TENM2: variants seen among roughly 807,000 people sequenced by gnomAD.
The protein encoded by TENM2 is teneurin-2.
In TENM2, 52 loss-of-function variants were observed where a neutral mutation model predicts 245.2. The ratio of observed to expected loss-of-function variants is 0.21; its 90% CI spans 0.17 to 0.27. The LOEUF is 0.27. Among genes scored for constraint, TENM2 ranks in the 10% least tolerant of loss-of-function variants. TENM2 has a pLI of 1.00. For missense variants in TENM2, 3,046 were observed against 3,666.8 expected, an observed-to-expected ratio of 0.83 and a Z score of 4.37; for synonymous variants, 1,363 against 1,438.9, an observed-to-expected ratio of 0.95 and a Z score of 1.19.
intron 2 of TENM2, among the ~76,000 whole-genome samples, chr5:167,558,847 G>A (rs930699000): frequency 2.0e-5 from 3 of 151,800 alleles, no homozygotes; most frequent in Non-Finnish European, 4.4e-5. Context: ...TCCAGACCCT[G>A]GTGCCAAAAA....
At chr5:166,981,674 T>G in the TENM2 span, among the ~76,000 whole-genome samples, 1 of 152,186 alleles carries the variant, frequency 6.6e-6, no homozygotes, top group African/African-American at 2.4e-5. Flanking sequence ...AATTTATTTA[T>G]GAAACATCAA....
At chr5:167,349,431 C>T (rs928072604) in intron 1 of TENM2, among the ~76,000 whole-genome samples, 2 of 152,196 alleles carry the variant, frequency 1.3e-5, no homozygotes, top group Non-Finnish European at 2.9e-5. Flanking sequence ...TCCAAAGCCT[C>T]TTTGCAGTGT....
intron 5 of TENM2, among the ~76,000 whole-genome samples, chr5:168,021,125 A>G (rs552031499): frequency 6.6e-6 from 1 of 152,300 alleles, no homozygotes; most frequent in South Asian, 2.1e-4. Flanking sequence ...TTAAATTTGA[A>G]GTTTAGATTT....
upstream of TENM2, among the ~76,000 whole-genome samples, chr5:167,281,258 C>A (rs1371096400): frequency 6.6e-6 from 1 of 150,956 alleles, no homozygotes; most frequent in African/African-American, 2.5e-5. Context: ...CAGGCACCTG[C>A]CACCACGCCT....
At chr5:168,111,594 A>C (rs1310443979) in intron 9 of TENM2, among the ~76,000 whole-genome samples, 4 of 152,114 alleles carry the variant, frequency 2.6e-5, no homozygotes, top group African/African-American at 7.2e-5. Flanking sequence ...TGCCCATTTA[A>C]TAGGTCAGGA....
At chr5:167,308,755 G>T (rs1232151318) in intron 1 of TENM2, among the ~76,000 whole-genome samples, 1 of 152,156 alleles carries the variant, frequency 6.6e-6, no homozygotes, top group Non-Finnish European at 1.5e-5. Flanking sequence ...TCTGCTCGTG[G>T]TGTTCTCTCT....
the TENM2 span, among the ~76,000 whole-genome samples, chr5:167,066,771 A>C: frequency 2.2e-3 from 330 of 152,252 alleles, 6 homozygotes; most frequent in East Asian, 0.038. Flanking sequence ...TACATCCCTC[A>C]AAATAAAGAA....
chr5:167,181,936 G>T, the TENM2 span, among the ~76,000 whole-genome samples: 8 of 152,162 alleles, frequency 5.3e-5, no homozygotes, highest in African/African-American at 1.9e-4. Flanking sequence ...CAGGTACTGT[G>T]TGTGGGTAGT....
chr5:167,631,237 T>C (rs1561619054), intron 2 of TENM2, among the ~76,000 whole-genome samples: 2 of 151,952 alleles, frequency 1.3e-5, no homozygotes, highest in African/African-American at 4.8e-5. Context: ...TGAGCTGTGA[T>C]AAAAAAAGAT....
chr5:168,211,717 GT>G lies in TENM2; in HGVS notation c.3825-13del. ...AACTGTTTGTTCTTTTTTCCTTTCT[GT>G]TTTCTTTCTATAAAGAAATAAAGAG... On this transcript the variant is annotated splice_polypyrimidine_tract_variant and intron_variant, in intron 19 of 28. Coordinates refer to ENST00000518659, the Ensembl canonical transcript of TENM2. 1 of 1,284,400 alleles carries G rather than the reference GT, an allele frequency of 7.8e-7. No homozygotes were observed. The highest frequency in any genetic ancestry group is 1.1e-6 in the Non-Finnish European group (1 of 925,170). 79.6% of individuals were successfully genotyped at this position (1,284,400 alleles called of 1,614,324 possible). A position where few individuals can be genotyped will look rare whatever the true frequency, so the allele number is the denominator to read the frequency against.
At chr5:167,624,260 C>CT (rs1778361084) in intron 2 of TENM2, among the ~76,000 whole-genome samples, 1 of 152,112 alleles carries the variant, frequency 6.6e-6, no homozygotes, top group Non-Finnish European at 1.5e-5. Flanking sequence ...AAAATTATGC[C>CT]TTTTGCAGCA....
intron 2 of TENM2, among the ~76,000 whole-genome samples, chr5:167,642,140 C>CAAA (rs34089047): frequency 3.8e-5 from 5 of 130,078 alleles, no homozygotes; most frequent in Admixed American, 7.9e-5. Flanking sequence ...GACGCTGTCT[C>CAAA]AAAAAAAAAA....
chr5:167,282,344 G>T (rs1771111171), upstream of TENM2, among the ~76,000 whole-genome samples: 1 of 152,140 alleles, frequency 6.6e-6, no homozygotes, highest in South Asian at 2.1e-4. Flanking sequence ...CCTAGCTTAA[G>T]AATTAGGATT....
intron 2 of TENM2, among the ~76,000 whole-genome samples, chr5:167,654,195 T>C (rs1754675344): frequency 6.6e-6 from 1 of 152,266 alleles, no homozygotes; most frequent in Admixed American, 6.5e-5. Context: ...CTCTCAGTTA[T>C]GGCATGTATG....
chr5:167,294,266 T>C (rs987407969), intron 1 of TENM2: 2 of 152,084 alleles, frequency 1.3e-5, no homozygotes, highest in African/African-American at 4.8e-5. Context: ...GAATTGGAGG[T>C]ATCCTGTAGG....
At chr5:167,784,447 T>G (rs1583002953) in intron 2 of TENM2, among the ~76,000 whole-genome samples, 1 of 152,310 alleles carries the variant, frequency 6.6e-6, no homozygotes, top group South Asian at 2.1e-4. Context: ...GGAATAATGG[T>G]TTTTATAGAA....
chr5:168,169,410 G>A (rs1346190139), intron 13 of TENM2, among the ~76,000 whole-genome samples: 1 of 152,204 alleles, frequency 6.6e-6, no homozygotes, highest in Non-Finnish European at 1.5e-5. Context: ...TAAGAGACGT[G>A]GATCCTGGCC....
chr5:167,884,787 G>A (rs1774155353), intron 3 of TENM2, among the ~76,000 whole-genome samples: 1 of 152,114 alleles, frequency 6.6e-6, no homozygotes, highest in South Asian at 2.1e-4. Flanking sequence ...TGGAATCATT[G>A]AATCATACAG....
At chr5:168,199,245 T>G (rs1761727459) in intron 16 of TENM2, 131 bp downstream of exon 18, 3 of 971,908 alleles carry the variant, frequency 3.1e-6, no homozygotes, top group Middle Eastern at 3.2e-4. Flanking sequence ...ATAATAAAAT[T>G]TATAGCCACC....
Sources: allele counts gnomAD v4.1 joint callset (sites outside exome capture counted in the v4.1 genomes callset), GRCh38; gene constraint gnomAD v4.1.1; transcripts MANE v1.5; gene names NCBI Gene and HGNC (gene_info 2026-07-23, HGNC 2026-07-21).